The following CCNT2 variants were observed in gnomAD, a reference collection of about 807,000 sequenced individuals.
CCNT2 encodes the protein cyclin-T2.
Under a neutral mutation model 70.0 loss-of-function variants are expected in CCNT2, and 18 were observed. The observed-to-expected ratio is 0.26, with a 90% confidence interval of 0.18 to 0.38. CCNT2 has a LOEUF of 0.38. Among genes scored for constraint, CCNT2 ranks in the 10% least tolerant of loss-of-function variants. The pLI is 1.00. For missense variants in CCNT2, 734 were observed against 890.2 expected, an observed-to-expected ratio of 0.82 and a Z score of 2.23; for synonymous variants, 334 against 313.3, an observed-to-expected ratio of 1.07 and a Z score of -0.70.
intron 2 of CCNT2, among the ~76,000 whole-genome samples, chr2:134,929,659 T>TC (rs974452495): frequency 1.0e-5 from 1 of 96,574 alleles, no homozygotes; most frequent in African/African-American, 4.3e-5. Flanking sequence ...ATGCCTTTTT[T>TC]TTTTTTTTGA....
At chr2:134,929,870 C>T (rs1170229708) in intron 2 of CCNT2, among the ~76,000 whole-genome samples, 1 of 151,646 alleles carries the variant, frequency 6.6e-6, no homozygotes, top group Non-Finnish European at 1.5e-5. Flanking sequence ...AGCCTGGTCT[C>T]GAACTCCTGA....
At chr2:134,943,613 T>C (rs935952228) in intron 5 of CCNT2, 31 of 984,418 alleles carry the variant, frequency 3.1e-5, no homozygotes, top group Non-Finnish European at 3.6e-5. Flanking sequence ...TTTAAAAATA[T>C]TGCTTTACTG....
intron 2 of CCNT2, among the ~76,000 whole-genome samples, chr2:134,936,378 C>T (rs1681156573): frequency 6.6e-6 from 1 of 152,036 alleles, no homozygotes; most frequent in African/African-American, 2.4e-5. Flanking sequence ...AAAACTATTA[C>T]ATCAATCTTG....
intron 2 of CCNT2, among the ~76,000 whole-genome samples, chr2:134,929,653 CTTT>C (rs201467959): frequency 4.1e-5 from 5 of 122,646 alleles, no homozygotes; most frequent in African/African-American, 6.4e-5. Context: ...AAATAGATGC[CTTT>C]TTTTTTTTTT....
chr2:134,948,566 GTGTT>G (rs1481879100), intron 7 of CCNT2, among the ~76,000 whole-genome samples: 3 of 152,118 alleles, frequency 2.0e-5, no homozygotes, highest in Non-Finnish European at 4.4e-5. Context: ...TTGTGGGTGT[GTGTT>G]CTGTTAATTA....
chr2:134,931,440 C>T (rs1303428718), intron 2 of CCNT2, among the ~76,000 whole-genome samples: 1 of 151,740 alleles, frequency 6.6e-6, no homozygotes, highest in Non-Finnish European at 1.5e-5. Flanking sequence ...CTTATGCAGA[C>T]CACATAGTCT....
At chr2:134,937,103 A>G (rs534068880) in intron 3 of CCNT2, 134 bp downstream of exon 3, 1 of 544,782 alleles carries the variant, frequency 1.8e-6, no homozygotes, top group Admixed American at 3.5e-5. Flanking sequence ...TTAGGAATGC[A>G]ATGCCAGGAA....
chr2:134,945,874 C>T (rs1403944323), intron 5 of CCNT2: 2 of 1,503,120 alleles, frequency 1.3e-6, no homozygotes, highest in Non-Finnish European at 1.8e-6. Flanking sequence ...AAAAGCAAAT[C>T]GGCTTGTTTC....
At chr2:134,948,634 A>G (rs114492722) in intron 7 of CCNT2, among the ~76,000 whole-genome samples, 1,697 of 152,308 alleles carry the variant, frequency 0.011, 29 homozygotes, top group African/African-American at 0.039. Context: ...GTTGAGAAGT[A>G]AAAGAAGCCG....
chr2:134,920,444 C>A (rs1012168444), intron 2 of CCNT2: 8 of 152,246 alleles, frequency 5.3e-5, no homozygotes, highest in African/African-American at 1.9e-4. Context: ...ATTCAAACGT[C>A]CACTCTTGCT....
intron 2 of CCNT2, among the ~76,000 whole-genome samples, chr2:134,928,601 G>A (rs1359352127): frequency 6.6e-6 from 1 of 152,086 alleles, no homozygotes. Context: ...GACAGTGACG[G>A]TGTGGGCTAT....
At chr2:134,945,805 C>T (rs751229666) in intron 5 of CCNT2, 3 of 1,396,542 alleles carry the variant, frequency 2.1e-6, no homozygotes. Context: ...TTTATTGCAA[C>T]TTTTAGCTGA....
At chr2:134,941,405 A>G (rs1681570356) in intron 4 of CCNT2, among the ~76,000 whole-genome samples, 1 of 152,212 alleles carries the variant, frequency 6.6e-6, no homozygotes, top group Non-Finnish European at 1.5e-5. Flanking sequence ...ATACATATAC[A>G]AAATATGTGT....
intron 2 of CCNT2, among the ~76,000 whole-genome samples, chr2:134,925,174 C>T (rs1366083143): frequency 6.6e-6 from 1 of 152,150 alleles, no homozygotes; most frequent in East Asian, 1.9e-4. Context: ...TGCCTGGGTC[C>T]TTTCATTCAT....
At chr2:134,919,105 C>T in intron 1 of CCNT2, 93 bp downstream of exon 1, 1 of 1,412,482 alleles carries the variant, frequency 7.1e-7, no homozygotes, top group East Asian at 2.4e-5. Context: ...CCGGCCTCGG[C>T]CTTCGCTGGG....
intron 7 of CCNT2, among the ~76,000 whole-genome samples, chr2:134,950,368 C>G (rs1218337883): frequency 6.6e-6 from 1 of 152,078 alleles, no homozygotes; most frequent in African/African-American, 2.4e-5. Flanking sequence ...CACAAAAAGG[C>G]AATTCAAAAT....
chr2:134,923,712 CT>C (rs1680081928), intron 2 of CCNT2, among the ~76,000 whole-genome samples: 1 of 152,184 alleles, frequency 6.6e-6, no homozygotes, highest in Non-Finnish European at 1.5e-5. Flanking sequence ...GTCTTGTTTT[CT>C]CAGGTAAAGT....
intron 5 of CCNT2, 124 bp downstream of exon 5, chr2:134,942,798 T>A: frequency 7.1e-7 from 1 of 1,402,602 alleles, no homozygotes. Context: ...AGAAATGTCA[T>A]TTTTTAAGCA....
At chr2:134,940,266 A>G (rs528681006) in intron 4 of CCNT2, among the ~76,000 whole-genome samples, 13 of 152,274 alleles carry the variant, frequency 8.5e-5, no homozygotes, top group Admixed American at 6.5e-4. Flanking sequence ...ATGGGTCTAC[A>G]TGGATTTTTT....
Sources: gnomAD v4.1 joint callset for allele counts (sites outside exome capture counted in the v4.1 genomes callset) on GRCh38, gnomAD v4.1.1 for gene constraint, MANE v1.5 for transcripts, NCBI Gene and HGNC (gene_info 2026-07-23, HGNC 2026-07-21) for gene names.